The following OR51B5 variants were observed in gnomAD, a reference collection of about 807,000 sequenced individuals.
OR51B5 encodes the protein olfactory receptor 51B5.
For synonymous variants in OR51B5, 186 were observed against 144.8 expected (o/e 1.28, Z -2.04); for missense variants, 456 against 374.6 (o/e 1.22, Z -1.79).
intron 1 of OR51B5, among the ~76,000 whole-genome samples, chr11:5,497,070 G>GAA (rs1282431081): frequency 1.7e-5 from 2 of 115,966 alleles, no homozygotes; most frequent in African/African-American, 3.1e-5. Flanking sequence ...AAAAAAGAGA[G>GAA]AGGAAAGGAA....
At chr11:5,378,080 C>T (rs922438969) in intron 1 of OR51B5, among the ~76,000 whole-genome samples, 3 of 151,940 alleles carry the variant, frequency 2.0e-5, no homozygotes, top group Non-Finnish European at 4.4e-5. Context: ...GCTACAGTAA[C>T]CAAAACAGCA....
chr11:5,350,258 G>A (rs1376504044), intron 1 of OR51B5, among the ~76,000 whole-genome samples: 1 of 152,166 alleles, frequency 6.6e-6, no homozygotes, highest in Non-Finnish European at 1.5e-5. Flanking sequence ...ACTTTCCCAA[G>A]ATCATTATTG....
chr11:5,445,041 A>G, intron 1 of OR51B5, among the ~76,000 whole-genome samples: 1 of 152,176 alleles, frequency 6.6e-6, no homozygotes, highest in East Asian at 1.9e-4. Flanking sequence ...ACATACATAC[A>G]AACAGATAAA....
chr11:5,456,070 A>G (rs562187505), intron 1 of OR51B5: 4 of 152,210 alleles, frequency 2.6e-5, no homozygotes, highest in Non-Finnish European at 5.9e-5. Flanking sequence ...AGTTTCAAAT[A>G]TATACAACAA....
At chr11:5,417,069 C>A (rs954948566) in intron 1 of OR51B5, among the ~76,000 whole-genome samples, 1 of 151,098 alleles carries the variant, frequency 6.6e-6, no homozygotes, top group South Asian at 2.1e-4. Flanking sequence ...GGTACTGGTA[C>A]CAAAACAGAG....
chr11:5,473,856 T>G (rs934802031), intron 1 of OR51B5, among the ~76,000 whole-genome samples: 6 of 65,160 alleles, frequency 9.2e-5, no homozygotes, highest in Admixed American at 3.2e-4. Flanking sequence ...ACAAAATGAG[T>G]GTGTGTGTGT....
At chr11:5,347,930 T>C (rs980537818), upstream of OR51B5, among the ~76,000 whole-genome samples, 3 of 152,068 alleles carry the variant, frequency 2.0e-5, no homozygotes, top group African/African-American at 7.2e-5. Flanking sequence ...AAATCTTTCA[T>C]ACGGCTAAAG....
intron 1 of OR51B5, among the ~76,000 whole-genome samples, chr11:5,393,888 T>G (rs966530639): frequency 2.4e-4 from 36 of 152,140 alleles, no homozygotes; most frequent in African/African-American, 8.7e-4. Context: ...TATGCTGGAC[T>G]CCTCTCCAAA....
chr11:5,425,868 T>C (rs1052143631), intron 1 of OR51B5, among the ~76,000 whole-genome samples: 2 of 152,172 alleles, frequency 1.3e-5, no homozygotes, highest in African/African-American at 4.8e-5. Flanking sequence ...CCTGCTACTA[T>C]AGAAGAAGGG....
chr11:5,369,150 G>GCCTA (rs200275632), intron 1 of OR51B5, among the ~76,000 whole-genome samples: 8,351 of 152,154 alleles, frequency 0.055, 2 homozygotes, highest in South Asian at 0.09. Context: ...AAAGGATGAA[G>GCCTA]TCTTTAAAAA....
At chr11:5,467,217 G>T (rs117491136) in intron 1 of OR51B5, among the ~76,000 whole-genome samples, 2,527 of 152,234 alleles carry the variant, frequency 0.017, 30 homozygotes, top group Middle Eastern at 0.048. Flanking sequence ...TTGGGGGCAA[G>T]ATTTTTCTGT....
chr11:5,454,036 A>G (rs548485095), intron 1 of OR51B5: 2 of 1,614,110 alleles, frequency 1.2e-6, no homozygotes, highest in East Asian at 2.2e-5. Context: ...CTGCACCCAG[A>G]CATGATGAGG....
intron 1 of OR51B5, among the ~76,000 whole-genome samples, chr11:5,417,150 C>A (rs1302625420): frequency 6.6e-6 from 1 of 152,082 alleles, no homozygotes; most frequent in East Asian, 1.9e-4. Flanking sequence ...TGATCTTTGA[C>A]AAACCTGACA....
At chr11:5,390,388 G>T in intron 1 of OR51B5, 1 of 1,574,544 alleles carries the variant, frequency 6.4e-7, no homozygotes, top group Non-Finnish European at 8.6e-7. Context: ...GAGTCCTGGG[G>T]CTAAAACTCC....
intron 1 of OR51B5, among the ~76,000 whole-genome samples, chr11:5,465,205 C>CAAAAAAAAAA (rs34459420): frequency 2.2e-5 from 1 of 45,420 alleles, no homozygotes; most frequent in African/African-American, 8.2e-5. Flanking sequence ...GACTCCGTCT[C>CAAAAAAAAAA]AAAAAAAAAA....
intron 1 of OR51B5, chr11:5,468,614 T>C: frequency 2.2e-6 from 1 of 454,642 alleles, no homozygotes; most frequent in Non-Finnish European, 4.4e-6. Context: ...TTCAGGAGCA[T>C]GCCTCCCAAA....
chr11:5,389,751 C>G, intron 1 of OR51B5: 1 of 1,613,996 alleles, frequency 6.2e-7, no homozygotes, highest in Non-Finnish European at 8.5e-7. Context: ...TGCATCCACT[C>G]TTTTTCCTTC....
intron 1 of OR51B5, chr11:5,403,389 C>T (rs528781464): frequency 3.2e-5 from 15 of 471,320 alleles, no homozygotes; most frequent in South Asian, 1.5e-4. Flanking sequence ...TATAGTGCAC[C>T]GCCTTGGACA....
In OR51B5 at chr11:5,454,034, A is replaced by G. The variant is rs369266026; in HGVS notation, n.84+51535T>C. 7.4e-6 allele frequency: 12 copies of G among 1,614,024 alleles called. No homozygotes were observed. The African/African-American group carries it at 1.6e-4, about 22-fold the overall frequency. Reference sequence around the variant, plus strand: ...TTTCTCACTCCTACTGCCTGCACCCAGACATGATGAGGCTTGCCTGTGCTG... The same window carrying G: ...TTTCTCACTCCTACTGCCTGCACCCGGACATGATGAGGCTTGCCTGTGCTG... On this transcript the variant is annotated intron_variant and non_coding_transcript_variant, in intron 1 of 4. Transcript: ENST00000415970.
Sources: allele counts gnomAD v4.1 joint callset (sites outside exome capture counted in the v4.1 genomes callset), GRCh38; gene constraint gnomAD v4.1.1; transcripts MANE v1.5; gene names NCBI Gene and HGNC (gene_info 2026-07-23, HGNC 2026-07-21).